The following TMEM278 variants were observed in gnomAD, a reference collection of about 807,000 sequenced individuals.
The protein encoded by TMEM278 is transmembrane protein 278.
the TMEM278 span, among the ~76,000 whole-genome samples, chr1:1,429,687 C>T: frequency 1.3e-5 from 2 of 152,124 alleles, no homozygotes; most frequent in Non-Finnish European, 2.9e-5. Flanking sequence ...CTTTTCCAGG[C>T]GAGACCACCC....
At chr1:1,427,672 G>A in the TMEM278 span, 1 of 1,334,492 alleles carries the variant, frequency 7.5e-7, no homozygotes, top group Non-Finnish European at 9.6e-7. Context: ...TCGGCCGTCC[G>A]CGCCCGCCTA....
At chr1:1,427,713 C>T in the TMEM278 span, 3 of 1,319,700 alleles carry the variant, frequency 2.3e-6, no homozygotes, top group Admixed American at 3.5e-5. Flanking sequence ...GCTGCCTCCG[C>T]CCGCTGGGAC....
the TMEM278 span, chr1:1,427,596 G>A: frequency 1.7e-6 from 2 of 1,205,930 alleles, no homozygotes; most frequent in Non-Finnish European, 1.0e-6. Flanking sequence ...GCTGTTCTCA[G>A]ACCGCGGCTC....
chr1:1,426,354 T>G, the TMEM278 span: 12 of 1,436,210 alleles, frequency 8.4e-6, no homozygotes, highest in Non-Finnish European at 1.0e-5. Flanking sequence ...GCGGCCGCCG[T>G]CGTCTACCTG....
the TMEM278 span, among the ~76,000 whole-genome samples, chr1:1,426,945 G>GC: frequency 6.6e-6 from 1 of 151,778 alleles, no homozygotes; most frequent in Non-Finnish European, 1.5e-5. Context: ...ACCCTGCTCA[G>GC]CCCTTTACCT....
chr1:1,427,289 GC>G, the TMEM278 span, among the ~76,000 whole-genome samples: 1 of 78,102 alleles, frequency 1.3e-5, no homozygotes, highest in Admixed American at 1.5e-4. Context: ...GGCCCTCACC[GC>G]CCCTTCATCA....
chr1:1,428,255 C>A, the TMEM278 span, among the ~76,000 whole-genome samples: 1 of 151,684 alleles, frequency 6.6e-6, no homozygotes, highest in African/African-American at 2.4e-5. Flanking sequence ...GGCGCAGGCC[C>A]CAGCCCAAGG....
chr1:1,429,867 G>A, the TMEM278 span, among the ~76,000 whole-genome samples: 1 of 149,382 alleles, frequency 6.7e-6, no homozygotes, highest in South Asian at 2.1e-4. Context: ...TACTCTGTCT[G>A]TTTGTTTACT....
At chr1:1,426,190 G>A in the TMEM278 span, 32 of 1,415,662 alleles carry the variant, frequency 2.3e-5, no homozygotes, top group South Asian at 1.5e-4. Context: ...CCGACACAGC[G>A]CCCATGCTGC....
chr1:1,426,429 G>A, the TMEM278 span: 3 of 1,328,414 alleles, frequency 2.3e-6, no homozygotes, highest in African/African-American at 1.5e-5. Context: ...GGGGTCCTGG[G>A]GAGTGGGCGT....
At chr1:1,427,387 G>GCCCC in the TMEM278 span, among the ~76,000 whole-genome samples, 1 of 7,110 alleles carries the variant, frequency 1.4e-4, no homozygotes, top group South Asian at 5.1e-3. Context: ...ACCCTGCCCT[G>GCCCC]CTCCCCTCTT....
At chr1:1,427,384 C>G in the TMEM278 span, among the ~76,000 whole-genome samples, 1 of 135,312 alleles carries the variant, frequency 7.4e-6, no homozygotes, top group Non-Finnish European at 1.6e-5. Flanking sequence ...ATCACCCTGC[C>G]CTGCTCCCCT....
chr1:1,426,406 C>T, the TMEM278 span: 12 of 1,354,370 alleles, frequency 8.9e-6, no homozygotes, highest in South Asian at 1.7e-5. Flanking sequence ...GCCCCGTGGG[C>T]GGGGGACTAG....
the TMEM278 span, among the ~76,000 whole-genome samples, chr1:1,426,772 C>T: frequency 5.3e-5 from 8 of 152,050 alleles, no homozygotes; most frequent in Non-Finnish European, 8.8e-5. Context: ...CTCCTGCCAG[C>T]GTGGGGCTTC....
At chr1:1,428,911 A>G in the TMEM278 span, among the ~76,000 whole-genome samples, 6 of 149,010 alleles carry the variant, frequency 4.0e-5, no homozygotes, top group African/African-American at 1.5e-4. Context: ...GAGGCAGGAG[A>G]ATGGCGTGAA....
chr1:1,425,898 A>C, the TMEM278 span, among the ~76,000 whole-genome samples: 2 of 152,012 alleles, frequency 1.3e-5, no homozygotes, highest in African/African-American at 4.8e-5. Context: ...CTGGGGCTGG[A>C]GACTGGCGCT....
the TMEM278 span, among the ~76,000 whole-genome samples, chr1:1,429,900 C>T: frequency 3.3e-5 from 5 of 152,198 alleles, no homozygotes; most frequent in African/African-American, 7.2e-5. Context: ...CTTGCTCTGC[C>T]GCCCAGTCTG....
chr1:1,428,164 GAAAGA>G, the TMEM278 span, among the ~76,000 whole-genome samples: 1 of 114,666 alleles, frequency 8.7e-6, no homozygotes. Flanking sequence ...GGAGGTGAGG[GAAAGA>G]GAGGAGAGGG....
At chr1:1,427,843 G>T in the TMEM278 span, 6 of 1,328,448 alleles carry the variant, frequency 4.5e-6, no homozygotes, top group Non-Finnish European at 4.8e-6. Context: ...CGACCCCATC[G>T]CGTGGCCCGG....
Sources: gnomAD v4.1 joint callset for allele counts (sites outside exome capture counted in the v4.1 genomes callset) on GRCh38, gnomAD v4.1.1 for gene constraint, MANE v1.5 for transcripts, NCBI Gene and HGNC (gene_info 2026-07-23, HGNC 2026-07-21) for gene names.